CD22: variants seen among roughly 807,000 people sequenced by gnomAD.
CD22 encodes the protein B-cell receptor CD22.
A neutral mutation model predicts 94.7 loss-of-function variants in CD22; 51 were observed. That is an observed-to-expected ratio of 0.54 (90% CI 0.43 to 0.68). CD22 has a LOEUF of 0.68. Among genes scored for constraint, CD22 ranks in the 30% least tolerant of loss-of-function variants. The pLI, the probability that CD22 is intolerant of heterozygous loss-of-function variation, is 0.00. For missense variants in CD22, 931 were observed against 1,060.4 expected (o/e 0.88, Z 1.69); for synonymous variants, 424 against 422.5 (o/e 1.00, Z -0.04).
chr19:35,345,511 C>T (rs964829528), intron 11 of CD22, 91 bp from the exon 12 acceptor site: 3 of 760,040 alleles, frequency 3.9e-6, no homozygotes, highest in East Asian at 5.0e-5. Context: ...GATAAAATGT[C>T]CTCTGAGGAG....
At chr19:35,333,451 A>G (rs2066674347) in intron 3 of CD22, among the ~76,000 whole-genome samples, 1 of 152,202 alleles carries the variant, frequency 6.6e-6, no homozygotes, top group Non-Finnish European at 1.5e-5. Flanking sequence ...CCTGTGTTTG[A>G]TGGGTCAAAT....
intron 1 of CD22, chr19:35,329,532 C>T (rs897307895): frequency 3.9e-4 from 121 of 313,442 alleles, no homozygotes; most frequent in African/African-American, 2.5e-3. Flanking sequence ...GTCTGGACAG[C>T]ATGGCCCTGT....
intron 3 of CD22, 103 bp from the exon 4 acceptor site, chr19:35,335,933 C>A: frequency 1.1e-6 from 1 of 880,192 alleles, no homozygotes; most frequent in Non-Finnish European, 1.8e-6. Flanking sequence ...AATGAAGTGG[C>A]AAGGGGTTCC....
In CD22 at chr19:35,341,585, G is replaced by T. The variant is rs1383069542; in HGVS notation, c.1750G>T (p.Ala584Ser). ...NNSIGQTASK[A>S]WTLEVLYAPR... ...CTCCATAGGACAGACAGCGTCCAAG[G>T]CCTGGACACTTGAAGTGCTGTGTGA... The change falls in exon 8 of 14, where the codon GCC becomes TCC. Residue 584 changes from alanine to serine, a missense_variant. By Grantham distance (99) the Ala-to-Ser change is moderately conservative. Coordinates refer to ENST00000085219, the MANE Select transcript of CD22 (RefSeq NM_001771.4). This position sits in a 1 kb window ranked among gnomAD's most constrained non-coding sequence, Gnocchi z 4.0. 7 of 1,612,414 alleles carry T rather than the reference G, an allele frequency of 4.3e-6. No homozygotes were observed. The highest frequency in any genetic ancestry group is 1.7e-4 in the Middle Eastern group (1 of 6,056).
chr19:35,331,912 T>A, intron 1 of CD22, 107 bp from the exon 2 acceptor site: 1 of 1,584,288 alleles, frequency 6.3e-7, no homozygotes, highest in Non-Finnish European at 8.6e-7. Flanking sequence ...CCAGACCCGG[T>A]CCTCCCGGAT....
chr19:35,341,248 C>G lies in CD22; in HGVS notation c.1508-95C>G. 1.3e-6 allele frequency: 2 copies of G among 1,594,188 alleles called. No individual in the cohort carries two copies. The highest frequency in any genetic ancestry group is 1.7e-6 in the Non-Finnish European group (2 of 1,167,754). On this transcript the variant is annotated intron_variant, in intron 7 of 13. Coordinates refer to ENST00000085219, the MANE Select transcript of CD22 (RefSeq NM_001771.4). This position sits in a 1 kb window ranked among gnomAD's most constrained non-coding sequence, Gnocchi z 4.0. ...CAGTGTCTTCAACAGAATTGAGGGA[C>G]AGGAGCCTGGCGTCAGGGCCAAGGG...
rs934961457 is a variant in CD22, at chr19:35,346,806, A to G, written c.*109A>G. 7 of 931,046 alleles carry G rather than the reference A, an allele frequency of 7.5e-6. No individual in the cohort carries two copies. The highest frequency in any genetic ancestry group is 8.0e-6 in the Non-Finnish European group (5 of 626,706). 57.7% of individuals were successfully genotyped at this position (931,046 alleles called of 1,614,324 possible). A position where few individuals can be genotyped will look rare whatever the true frequency, so the allele number is the denominator to read the frequency against. On this transcript the variant is annotated 3_prime_UTR_variant, in exon 14 of 14. Transcript: ENST00000085219. The stretch of plus-strand genomic sequence containing the variant: ...TCCTCCTGCGCGCATGTGCGCACAC[A>G]CACACACACACGCACACACACACAC...
At position 35,341,229 on chromosome 19, in the gene CD22, C is replaced by A; in HGVS notation, c.1507+91C>A. 1 of 1,600,550 alleles carries A rather than the reference C, an allele frequency of 6.2e-7. No individual in the cohort carries two copies. The highest frequency in any genetic ancestry group is 8.5e-7 in the Non-Finnish European group (1 of 1,171,446). On this transcript the variant is annotated intron_variant, in intron 7 of 13. Transcript: ENST00000085219. The surrounding 1 kb of genome is among the most constrained non-coding windows in gnomAD (Gnocchi z 4.0). ...ACGAGGCCGGAGCCTGGGCCAGTGT[C>A]TTCAACAGAATTGAGGGACAGGAGC...
chr19:35,334,795 T>C (rs1422752019), intron 3 of CD22, among the ~76,000 whole-genome samples: 1 of 152,102 alleles, frequency 6.6e-6, no homozygotes, highest in East Asian at 1.9e-4. Context: ...GTGGTGGGAA[T>C]AGGCCGGGCA....
intron 9 of CD22, among the ~76,000 whole-genome samples, chr19:35,343,290 C>G (rs2066846535): frequency 6.6e-6 from 1 of 152,014 alleles, no homozygotes; most frequent in Non-Finnish European, 1.5e-5. Context: ...AAAATGTAAG[C>G]ATGAAAGGGT....
intron 3 of CD22, among the ~76,000 whole-genome samples, chr19:35,334,543 C>G (rs1004087493): frequency 6.6e-6 from 1 of 152,170 alleles, no homozygotes; most frequent in Non-Finnish European, 1.5e-5. Flanking sequence ...CGTTCCACAC[C>G]GTTTCCCGGA....
At chr19:35,344,627 CA>C in intron 9 of CD22, 1 of 570,670 alleles carries the variant, frequency 1.8e-6, no homozygotes, top group Non-Finnish European at 3.1e-6. Context: ...AGCAGCTCCT[CA>C]GGAGAATTAG....
At chr19:35,340,615 C>G (rs1033002938) in intron 6 of CD22, among the ~76,000 whole-genome samples, 5 of 152,230 alleles carry the variant, frequency 3.3e-5, no homozygotes, top group Non-Finnish European at 7.3e-5. Flanking sequence ...AAACTGAGAC[C>G]TGCAGCCCAT....
At chr19:35,334,051 A>G (rs1204494620) in intron 3 of CD22, among the ~76,000 whole-genome samples, 2 of 152,186 alleles carry the variant, frequency 1.3e-5, no homozygotes, top group African/African-American at 4.8e-5. Context: ...AGATAGGATT[A>G]TTTAATTTAG....
At chr19:35,335,491 A>G (rs917815325) in intron 3 of CD22, among the ~76,000 whole-genome samples, 3 of 152,126 alleles carry the variant, frequency 2.0e-5, no homozygotes, top group Non-Finnish European at 4.4e-5. Flanking sequence ...TAGGAGGTTG[A>G]GGCTACAGTG....
At chr19:35,342,051 TTC>T in intron 9 of CD22, 86 bp downstream of exon 9, 2 of 1,103,704 alleles carry the variant, frequency 1.8e-6, no homozygotes, top group Non-Finnish European at 2.5e-6. Flanking sequence ...CCTTCCTTCC[TTC>T]CTTTCTTTCT....
intron 3 of CD22, among the ~76,000 whole-genome samples, chr19:35,335,077 CAAAAAAAAAAA>C (rs35391333): frequency 1.4e-5 from 1 of 73,692 alleles, no homozygotes; most frequent in Non-Finnish European, 2.6e-5. Flanking sequence ...GACTCTGTCT[CAAAAAAAAAAA>C]AAAAAAAAAA....
chr19:35,338,125 G>T, intron 5 of CD22, 43 bp from the exon 6 acceptor site: 1 of 1,583,028 alleles, frequency 6.3e-7, no homozygotes, highest in Non-Finnish European at 8.6e-7. Context: ...CAGGTTGGGG[G>T]TGCTCTCCTC....
At position 35,345,724 on chromosome 19, in the gene CD22, C is replaced by T. The variant is rs2066896497; in HGVS notation, c.2327+4C>T. On this transcript the variant is annotated splice_donor_region_variant and intron_variant, in intron 12 of 13. Coordinates refer to ENST00000085219, the MANE Select transcript of CD22 (RefSeq NM_001771.4). ...AGATGAACATACCACGAACTGGGTA[C>T]TGAGGGTACCAGGAGGGTGACCCTG... 4 of 1,582,686 alleles carry T rather than the reference C, an allele frequency of 2.5e-6. No individual in the cohort carries two copies. Among genetic ancestry groups the T allele is most frequent in the Admixed American group, 1.7e-5 (1 of 59,988 alleles).
Sources: gnomAD v4.1 joint callset for allele counts (sites outside exome capture counted in the v4.1 genomes callset) on GRCh38, gnomAD v4.1.1 for gene constraint, Gnocchi (gnomAD v3.1) non-coding constraint, MANE v1.5 for transcripts, NCBI Gene and HGNC (gene_info 2026-07-23, HGNC 2026-07-21) for gene names.